Variants in MAGI2 observed in about 807,000 individuals in gnomAD.
The protein encoded by MAGI2 is membrane associated guanylate kinase, WW and PDZ domain containing 2, also known as membrane-associated guanylate kinase, WW and PDZ domain-containing protein 2.
MAGI2 carries 35 observed loss-of-function variants against 133.3 expected under a neutral mutation model. The observed-to-expected ratio is 0.26, with a 90% CI of 0.20 to 0.35. The LOEUF is 0.35. Among genes scored for constraint, MAGI2 ranks in the 10% least tolerant of loss-of-function variants. MAGI2 has a pLI of 1.00. For missense variants in MAGI2, 1,636 were observed against 1,863.4 expected, an observed-to-expected ratio of 0.88 and a Z score of 2.25; for synonymous variants, 729 against 710.6, an observed-to-expected ratio of 1.03 and a Z score of -0.41.
At chr7:78,446,382 TG>T (rs1210695992) in intron 6 of MAGI2, among the ~76,000 whole-genome samples, 3 of 152,078 alleles carry the variant, frequency 2.0e-5, no homozygotes, top group African/African-American at 7.2e-5. Flanking sequence ...CAACATATCC[TG>T]GAAGGACATA....
chr7:78,297,908 C>G (rs1164638164), intron 9 of MAGI2, among the ~76,000 whole-genome samples: 1 of 148,880 alleles, frequency 6.7e-6, no homozygotes, highest in Non-Finnish European at 1.5e-5. Flanking sequence ...GTGGGTGCAG[C>G]GCACCAGCAT....
intron 6 of MAGI2, among the ~76,000 whole-genome samples, chr7:78,453,488 C>T (rs560117292): frequency 2.6e-5 from 4 of 152,186 alleles, no homozygotes; most frequent in African/African-American, 4.8e-5. Flanking sequence ...GTAGTTCTTC[C>T]TCCTAGTCTT....
At chr7:79,105,544 T>C (rs998435618) in intron 1 of MAGI2, among the ~76,000 whole-genome samples, 1 of 152,186 alleles carries the variant, frequency 6.6e-6, no homozygotes, top group Admixed American at 6.5e-5. Context: ...TGAGTATCTA[T>C]AGAAGCACAA....
At chr7:78,367,330 T>C in intron 7 of MAGI2, among the ~76,000 whole-genome samples, 1 of 152,074 alleles carries the variant, frequency 6.6e-6, no homozygotes, top group East Asian at 1.9e-4. Flanking sequence ...AGAAGAAAGG[T>C]TTTAGTTAAA....
chr7:79,246,903 C>G (rs1352780541), intron 1 of MAGI2, among the ~76,000 whole-genome samples: 1 of 151,946 alleles, frequency 6.6e-6, no homozygotes. Flanking sequence ...CTAAAGGCAG[C>G]AAGAGAAAAG....
chr7:78,031,270 A>G (rs1809540189), intron 21 of MAGI2, among the ~76,000 whole-genome samples: 1 of 152,190 alleles, frequency 6.6e-6, no homozygotes, highest in South Asian at 2.1e-4. Flanking sequence ...ACTGTTCTAT[A>G]TCTTAATTAT....
chr7:78,532,560 G>A (rs749683501), intron 3 of MAGI2, among the ~76,000 whole-genome samples: 41 of 152,128 alleles, frequency 2.7e-4, no homozygotes, highest in Non-Finnish European at 4.4e-4. Flanking sequence ...AAAGCACTTC[G>A]ACTTTATATT....
intron 4 of MAGI2, among the ~76,000 whole-genome samples, chr7:78,504,433 T>C (rs1794908954): frequency 6.6e-6 from 1 of 151,920 alleles, no homozygotes; most frequent in African/African-American, 2.4e-5. Context: ...TGGGGAAGAG[T>C]AGAGCAGGTA....
intron 1 of MAGI2, among the ~76,000 whole-genome samples, chr7:79,222,430 C>A (rs541363998): frequency 1.3e-5 from 2 of 151,834 alleles, no homozygotes; most frequent in Admixed American, 1.3e-4. Flanking sequence ...TTGGATGGAC[C>A]TAGGACCAAG....
At chr7:78,631,460 G>A (rs1433932160) in intron 2 of MAGI2, among the ~76,000 whole-genome samples, 1 of 152,134 alleles carries the variant, frequency 6.6e-6, no homozygotes, top group African/African-American at 2.4e-5. Context: ...GAGCCCTGGT[G>A]AAGCACCAGG....
intron 1 of MAGI2, among the ~76,000 whole-genome samples, chr7:79,056,744 A>G (rs1181970505): frequency 6.6e-6 from 1 of 152,244 alleles, no homozygotes; most frequent in Non-Finnish European, 1.5e-5. Context: ...ATTATTATAA[A>G]GAATAATATG....
chr7:78,171,134 A>C (rs1005833744), intron 14 of MAGI2, among the ~76,000 whole-genome samples: 1 of 152,206 alleles, frequency 6.6e-6, no homozygotes, highest in Non-Finnish European at 1.5e-5. Context: ...AGCTCGATAT[A>C]TCTCTCTATT....
At chr7:78,295,109 A>AGTTT (rs1253782543) in intron 9 of MAGI2, among the ~76,000 whole-genome samples, 1 of 152,064 alleles carries the variant, frequency 6.6e-6, no homozygotes, top group African/African-American at 2.4e-5. Flanking sequence ...TATGACTTTT[A>AGTTT]GTTTTTTGTG....
intron 9 of MAGI2, among the ~76,000 whole-genome samples, chr7:78,335,750 A>G (rs552685713): frequency 1.3e-5 from 2 of 152,320 alleles, no homozygotes; most frequent in Admixed American, 1.3e-4. Context: ...AAATATGATT[A>G]TTTTAAGAAA....
intron 20 of MAGI2, among the ~76,000 whole-genome samples, chr7:78,085,347 G>T (rs775386255): frequency 2.6e-5 from 4 of 151,896 alleles, no homozygotes; most frequent in Non-Finnish European, 5.9e-5. Flanking sequence ...TGAAACACAT[G>T]GCAAAACCCG....
At chr7:79,436,923 T>C (rs1848183757) in intron 1 of MAGI2, among the ~76,000 whole-genome samples, 1 of 152,098 alleles carries the variant, frequency 6.6e-6, no homozygotes, top group South Asian at 2.1e-4. Context: ...CTAAACACAA[T>C]AGCAAAGCCA....
At chr7:79,148,950 C>T (rs1167846432) in intron 1 of MAGI2, among the ~76,000 whole-genome samples, 1 of 145,700 alleles carries the variant, frequency 6.9e-6, no homozygotes, top group East Asian at 2.0e-4. Context: ...GAAGGAAATA[C>T]CATGTTTGCA....
intron 2 of MAGI2, among the ~76,000 whole-genome samples, chr7:78,753,227 A>G (rs530974868): frequency 3.6e-4 from 55 of 151,696 alleles, no homozygotes; most frequent in African/African-American, 1.3e-3. Context: ...TCAAGGACAT[A>G]AAGGAAAATA....
chr7:79,013,929 T>G (rs977512832), intron 1 of MAGI2, among the ~76,000 whole-genome samples: 1 of 152,218 alleles, frequency 6.6e-6, no homozygotes, highest in Non-Finnish European at 1.5e-5. Context: ...CATGACAATT[T>G]CTATCCCTTC....
Sources: gnomAD v4.1 joint callset for allele counts (sites outside exome capture counted in the v4.1 genomes callset) on GRCh38, gnomAD v4.1.1 for gene constraint, MANE v1.5 for transcripts, NCBI Gene and HGNC (gene_info 2026-07-23, HGNC 2026-07-21) for gene names.